The following JCAD variants were observed in gnomAD, a reference collection of about 807,000 sequenced individuals.
JCAD encodes the protein junctional cadherin 5 associated.
In JCAD, 40 loss-of-function variants were observed where a neutral mutation model predicts 98.0. The ratio of observed to expected loss-of-function variants is 0.41; its 90% CI spans 0.32 to 0.53. The LOEUF is 0.53. JCAD is among the 20% of genes least tolerant of loss of function. The probability of loss-of-function intolerance (pLI) is 0.31; values close to 1 mark genes in which losing one functional copy is unlikely to be tolerated. For synonymous variants in JCAD, 691 were observed against 682.3 expected (o/e 1.01, Z -0.20); for missense variants, 1,705 against 1,738.1 (o/e 0.98, Z 0.34).
At chr10:30,114,044 C>G (rs1838751879) in intron 1 of JCAD, among the ~76,000 whole-genome samples, 1 of 152,004 alleles carries the variant, frequency 6.6e-6, no homozygotes. Flanking sequence ...CACTTAGCCC[C>G]CTCTGTAAGT....
intron 1 of JCAD, among the ~76,000 whole-genome samples, chr10:30,108,357 T>C (rs956679638): frequency 2.6e-5 from 4 of 151,580 alleles, no homozygotes; most frequent in African/African-American, 7.3e-5. Context: ...GTGGTTGTCA[T>C]GGTGTCAGGA....
intron 1 of JCAD, among the ~76,000 whole-genome samples, chr10:30,109,765 T>C (rs1358487508): frequency 6.6e-6 from 1 of 152,214 alleles, no homozygotes; most frequent in Non-Finnish European, 1.5e-5. Context: ...GACTCCCTGA[T>C]ATATGGACTT....
upstream of JCAD, among the ~76,000 whole-genome samples, chr10:30,060,693 T>G (rs1274619868): frequency 6.6e-6 from 1 of 152,202 alleles, no homozygotes; most frequent in Non-Finnish European, 1.5e-5. Flanking sequence ...CTAACTTTTT[T>G]TGCTCTATTA....
At chr10:30,034,556 G>A (rs1334859432) in intron 2 of JCAD, among the ~76,000 whole-genome samples, 1 of 152,100 alleles carries the variant, frequency 6.6e-6, no homozygotes, top group Non-Finnish European at 1.5e-5. Context: ...GGTCAGGTTC[G>A]ACACAGATTA....
Position 30,029,407 on chromosome 10 carries a change from G to A in JCAD, c.741C>T (p.Pro247=), listed in dbSNP as rs935196724. The A allele has an allele frequency of 6.2e-7, 1 of 1,614,084 alleles. No homozygotes were observed. Among genetic ancestry groups the A allele is most frequent in the Non-Finnish European group, 8.5e-7 (1 of 1,180,022 alleles). ...SPESLSCTEI[P]IPLNERHSPK... ...GTGAATGTCTTTCATTTAATGGAAT[G>A]GGAATTTCCGTGCAACTCAGGCTCT... The change falls in exon 3 of 4, where the codon CCC becomes CCT. Residue 247 remains proline (P), a synonymous_variant. Transcript: ENST00000375377.
chr10:30,092,054 AAAAAAAAAAAATATAT>A (rs1284673782), intron 1 of JCAD, among the ~76,000 whole-genome samples: 9 of 25,684 alleles, frequency 3.5e-4, no homozygotes, highest in Non-Finnish European at 5.8e-4. Flanking sequence ...AAAAAAAAAA[AAAAAAAAAAAATATAT>A]ATATATATAT....
chr10:30,050,314 C>CAAAAAAAAAAAAAAAAAAAAAA (rs61421356), intron 1 of JCAD, among the ~76,000 whole-genome samples: 3 of 41,758 alleles, frequency 7.2e-5, no homozygotes, highest in Non-Finnish European at 1.6e-4. Flanking sequence ...GACCCTGTCT[C>CAAAAAAAAAAAAAAAAAAAAAA]AAAAAAAAAA....
At position 30,026,952 on chromosome 10, in the gene JCAD, C is replaced by G. The variant is rs760401492; in HGVS notation, c.3196G>C (p.Gly1066Arg). 2 of 1,614,186 alleles carry G rather than the reference C, an allele frequency of 1.2e-6. No individual in the cohort carries two copies. Among genetic ancestry groups the G allele is most frequent in the Non-Finnish European group, 1.7e-6 (2 of 1,180,032 alleles). Reference sequence around the variant, plus strand: ...ATTGTGCTTGCTTCACCCAAAGACCCCTCTAGCTCACTGGCACCCTGTTCT... The same window carrying G: ...ATTGTGCTTGCTTCACCCAAAGACCGCTCTAGCTCACTGGCACCCTGTTCT... Reference protein sequence around the residue: ...GQEQGASELEGSLGEASTIEI... With the variant: ...GQEQGASELERSLGEASTIEI... Residue 1066 changes from glycine (G) to arginine (R), a missense_variant, in exon 3 of 4, where the codon GGG becomes CGG. Physicochemically the swap from Gly to Arg is moderately radical, Grantham distance 125. Transcript: ENST00000375377.
chr10:30,061,625 C>T (rs1396371582), upstream of JCAD, among the ~76,000 whole-genome samples: 1 of 151,886 alleles, frequency 6.6e-6, no homozygotes, highest in Admixed American at 6.6e-5. Flanking sequence ...GACTTGGAAC[C>T]ACCAGGGAAG....
chr10:30,086,163 T>TA (rs1459841367), intron 1 of JCAD, among the ~76,000 whole-genome samples: 1 of 152,054 alleles, frequency 6.6e-6, no homozygotes, highest in Non-Finnish European at 1.5e-5. Flanking sequence ...AGGATTTTCC[T>TA]AAAAAAAGGA....
chr10:30,085,981 T>C lies in JCAD; in HGVS notation n.129-16160A>G, dbSNP rs558126260. On this transcript the variant is annotated intron_variant and non_coding_transcript_variant, in intron 1 of 2. Transcript: ENST00000465712. ...TAAAATTCAAAATTACGTGACAAAT[T>C]GGGTGAGTTGCAGGCAAAATGTATA... 4.6e-5 allele frequency among the ~76,000 whole-genome samples: 7 copies of C among 152,322 alleles called. No homozygotes were observed. In the East Asian group the frequency reaches 1.2e-3, roughly 25 times the overall value.
In JCAD at chr10:30,029,337, A is replaced by T. The variant is rs1385211796; in HGVS notation, c.811T>A (p.Ser271Thr). Residue 271 changes from serine (S) to threonine (T), a missense_variant, in exon 3 of 4, where the codon TCC becomes ACC. Transcript: ENST00000375377. ...YPPTCAPNLD[S>T]TRNSEKSGCS... is the part of the protein sequence containing the mutation. Reference sequence around the variant, plus strand: ...CCACTCTTCTCAGAATTCCTCGTGGAGTCCAAATTTGGTGCGCAAGTGGGA... The same window carrying T: ...CCACTCTTCTCAGAATTCCTCGTGGTGTCCAAATTTGGTGCGCAAGTGGGA... 5 of 1,614,058 alleles carry T rather than the reference A, an allele frequency of 3.1e-6. No individual in the cohort carries two copies. Among genetic ancestry groups the T allele is most frequent in the South Asian group, 2.2e-5 (2 of 91,070 alleles).
At chr10:30,064,435 T>G (rs574429540), upstream of JCAD, among the ~76,000 whole-genome samples, 1 of 152,306 alleles carries the variant, frequency 6.6e-6, no homozygotes, top group East Asian at 1.9e-4. Flanking sequence ...TTCTTTTCTC[T>G]ATAAATGACC....
At chr10:30,070,942 A>C (rs934549669) in intron 1 of JCAD, among the ~76,000 whole-genome samples, 2 of 152,098 alleles carry the variant, frequency 1.3e-5, no homozygotes, top group Non-Finnish European at 2.9e-5. Flanking sequence ...GTCTCGCTTT[A>C]TCGCTCAGGT....
intron 2 of JCAD, among the ~76,000 whole-genome samples, chr10:30,045,664 A>T (rs888298653): frequency 2.0e-5 from 3 of 152,196 alleles, no homozygotes; most frequent in Non-Finnish European, 2.9e-5. Context: ...CATGCTGGAA[A>T]ATGGCAGCCA....
chr10:30,076,355 C>T (rs912397094), intron 1 of JCAD, among the ~76,000 whole-genome samples: 2 of 152,102 alleles, frequency 1.3e-5, no homozygotes, highest in Admixed American at 6.6e-5. Flanking sequence ...ATTTAGTACC[C>T]GTACAGAAAT....
At chr10:30,087,877 T>A (rs749203766) in intron 1 of JCAD, among the ~76,000 whole-genome samples, 4 of 152,262 alleles carry the variant, frequency 2.6e-5, no homozygotes, top group Non-Finnish European at 5.9e-5. Flanking sequence ...AGTCTCACTC[T>A]GTCGCCAGGC....
intron 1 of JCAD, among the ~76,000 whole-genome samples, chr10:30,090,210 G>A (rs1437435974): frequency 6.6e-6 from 1 of 152,214 alleles, no homozygotes; most frequent in Non-Finnish European, 1.5e-5. Flanking sequence ...AGCACTATTT[G>A]GTTACTTGCA....
rs1281482896 is a variant in JCAD at position 30,023,148 on chromosome 10, C to T, written c.4045+2955G>A. Reference sequence around the variant, plus strand: ...TGGCTCCCGGGTTTAAGCAATTCTCCTGCCTCAGCCTCCCAAGTAATTGGG... The same window carrying T: ...TGGCTCCCGGGTTTAAGCAATTCTCTTGCCTCAGCCTCCCAAGTAATTGGG... On this transcript the variant is annotated intron_variant, in intron 3 of 3. Transcript: ENST00000375377. Among the ~76,000 whole-genome samples, 5 of 152,122 alleles carry T rather than the reference C, an allele frequency of 3.3e-5. No homozygotes were observed. In the East Asian group the frequency reaches 9.6e-4, roughly 29 times the overall value.
Sources: gnomAD v4.1 joint callset for allele counts (sites outside exome capture counted in the v4.1 genomes callset) on GRCh38, gnomAD v4.1.1 for gene constraint, MANE v1.5 for transcripts, NCBI Gene and HGNC (gene_info 2026-07-23, HGNC 2026-07-21) for gene names.